The following KCNJ8 variants were observed in gnomAD, a reference collection of about 807,000 sequenced individuals.
The protein encoded by KCNJ8 is ATP-sensitive inward rectifier potassium channel 8.
In KCNJ8, 13 loss-of-function variants were observed where a neutral mutation model predicts 28.2. That is an observed-to-expected ratio of 0.46 (90% confidence interval 0.30 to 0.73). KCNJ8 has a LOEUF of 0.73. KCNJ8 is among the 30% of genes least tolerant of loss of function. KCNJ8 has a pLI of 0.07. For missense variants in KCNJ8, 284 were observed against 542.6 expected, an observed-to-expected ratio of 0.52 and a Z score of 4.73; for synonymous variants, 188 against 195.9, an observed-to-expected ratio of 0.96 and a Z score of 0.34.
In KCNJ8 at chr12:21,765,715, T is replaced by A; in HGVS notation, c.*8A>T. On this transcript the variant is annotated 3_prime_UTR_variant, in exon 3 of 3. Transcript: ENST00000240662. ...TTGATAAAAGACTGTCTTGGGGTTA[T>A]CTTGCTGTCATGATTCCGATGTGTT... is the stretch of plus-strand genomic sequence containing the variant. 6.2e-7 allele frequency: 1 copy of A among 1,613,468 alleles called. No homozygotes were observed. The highest frequency in any genetic ancestry group is 8.5e-7 in the Non-Finnish European group (1 of 1,179,378).
intron 2 of KCNJ8, among the ~76,000 whole-genome samples, chr12:21,769,829 G>T (rs1183265806): frequency 6.6e-6 from 1 of 152,176 alleles, no homozygotes; most frequent in African/African-American, 2.4e-5. Context: ...CTGAATTGCT[G>T]CAATCTCATG....
chr12:21,769,205 A>G (rs1015814304), intron 2 of KCNJ8, among the ~76,000 whole-genome samples: 5 of 152,196 alleles, frequency 3.3e-5, no homozygotes, highest in Admixed American at 1.3e-4. Flanking sequence ...TCATTGATCA[A>G]TCTGAAAATC....
At position 21,773,115 on chromosome 12, in the gene KCNJ8, T is replaced by C. The variant is rs1202741968; in HGVS notation, c.374+128A>G. The C allele has an allele frequency of 9.0e-7, 1 of 1,113,816 alleles. No homozygotes were observed. The highest frequency in any genetic ancestry group is 1.3e-6 in the Non-Finnish European group (1 of 747,694). 69.0% of individuals were successfully genotyped at this position (1,113,816 alleles called of 1,614,324 possible). A position where few individuals can be genotyped will look rare whatever the true frequency, so the allele number is the denominator to read the frequency against. On this transcript the variant is annotated intron_variant, in intron 2 of 2. Coordinates refer to ENST00000240662, the MANE Select transcript of KCNJ8 (RefSeq NM_004982.4). This position sits in a 1 kb window ranked among gnomAD's most constrained non-coding sequence, Gnocchi z 4.6. ...TGTTGTTCTTTATTGTGCTTTTTTGTTTCTGAAGATTCTAAAACAAACCCT... is the reference window on the plus strand; with the variant it reads ...TGTTGTTCTTTATTGTGCTTTTTTGCTTCTGAAGATTCTAAAACAAACCCT...
rs35941868 is a variant in KCNJ8 at position 21,766,062 on chromosome 12, G to A, written c.936C>T (p.Ser312=). ...TTGITTQART[S]YIAEEIQWGH... ...CCCATTGGATCTCCTCAGCAATGTA[G>A]GAGGTTCGTGCTTGTGTGGTGATGC... is the stretch of plus-strand genomic sequence containing the variant. The change falls in exon 3 of 3, where the codon TCC becomes TCT. Residue 312 remains serine, a synonymous_variant. Transcript: ENST00000240662. This position sits in a 1 kb window ranked among gnomAD's most constrained non-coding sequence, Gnocchi z 6.5. 10 of 1,614,182 alleles carry A rather than the reference G, an allele frequency of 6.2e-6. No individual in the cohort carries two copies. Among genetic ancestry groups the A allele is most frequent in the Non-Finnish European group, 8.5e-6 (10 of 1,180,032 alleles).
In KCNJ8 at chr12:21,773,828, A is replaced by G. The variant is rs1940820817; in HGVS notation, c.-70-142T>C. ...GTGATTTTTACTAACCCAAACATGA[A>G]TCTAGCTTGTGCTTGAGTTCTGGGA... is the stretch of plus-strand genomic sequence containing the variant. On this transcript the variant is annotated intron_variant, in intron 1 of 2. Coordinates refer to ENST00000240662, the MANE Select transcript of KCNJ8 (RefSeq NM_004982.4). The surrounding 1 kb of genome is among the most constrained non-coding windows in gnomAD (Gnocchi z 4.6). 2 of 623,170 alleles carry G rather than the reference A, an allele frequency of 3.2e-6. No individual in the cohort carries two copies. The highest frequency in any genetic ancestry group is 2.0e-5 in the South Asian group (1 of 51,054). 38.6% of individuals were successfully genotyped at this position (623,170 alleles called of 1,614,324 possible). A position where few individuals can be genotyped will look rare whatever the true frequency, so the allele number is the denominator to read the frequency against.
chr12:21,771,787 T>C (rs1347510310), intron 2 of KCNJ8, among the ~76,000 whole-genome samples: 1 of 152,176 alleles, frequency 6.6e-6, no homozygotes, highest in Non-Finnish European at 1.5e-5. Context: ...CAATTATCAG[T>C]GCCAGTAAGT....
In KCNJ8 at chr12:21,765,310, C is replaced by T. The variant is rs1427309435; in HGVS notation, c.*413G>A. ...TTAACATGATTTTGTTTTTTCCCCT[C>T]CTATTCTATTTGCATTTCCAGAGTG... On this transcript the variant is annotated 3_prime_UTR_variant, in exon 3 of 3. Transcript: ENST00000240662. 1 of 279,622 alleles carries T rather than the reference C, an allele frequency of 3.6e-6. No homozygotes were observed. The highest frequency in any genetic ancestry group is 2.2e-5 in the African/African-American group (1 of 44,788). 17.3% of individuals were successfully genotyped at this position (279,622 alleles called of 1,614,324 possible).
At chr12:21,769,672 T>C (rs1940712377) in intron 2 of KCNJ8, among the ~76,000 whole-genome samples, 2 of 152,174 alleles carry the variant, frequency 1.3e-5, no homozygotes. Flanking sequence ...GAGGTCAGAA[T>C]ATTAACATTA....
chr12:21,771,708 C>CT (rs1434475140), intron 2 of KCNJ8, among the ~76,000 whole-genome samples: 2 of 152,046 alleles, frequency 1.3e-5, no homozygotes, highest in Non-Finnish European at 2.9e-5. Context: ...GTTACCATTT[C>CT]TTTTTTCTCT....
chr12:21,773,474 T>C lies in KCNJ8; in HGVS notation c.143A>G (p.Lys48Arg). Reference protein sequence around the residue: ...AKSGACNLAHKNIREQGRFLQ... With the variant: ...AKSGACNLAHRNIREQGRFLQ... ...AAAGCGTCCTTGCTCACGGATGTTC[T>C]TATGCGCCAGGTTGCAGGCCCCGCT... Residue 48 changes from lysine to arginine, a missense_variant, in exon 2 of 3, where the codon AAG becomes AGG. Coordinates refer to ENST00000240662, the MANE Select transcript of KCNJ8 (RefSeq NM_004982.4). This position sits in a 1 kb window ranked among gnomAD's most constrained non-coding sequence, Gnocchi z 4.6. The C allele has an allele frequency of 6.2e-7, 1 of 1,614,268 alleles. No individual in the cohort carries two copies. Among genetic ancestry groups the C allele is most frequent in the Admixed American group, 1.7e-5 (1 of 60,036 alleles).
chr12:21,771,601 A>G lies in KCNJ8; in HGVS notation c.374+1642T>C, dbSNP rs559261745. The stretch of plus-strand genomic sequence containing the variant: ...TCCAATTTTAGTGATATGGTTGGAC[A>G]TTGAATTCACAAAGGGAAAAATGCA... On this transcript the variant is annotated intron_variant, in intron 2 of 2. Coordinates refer to ENST00000240662, the MANE Select transcript of KCNJ8 (RefSeq NM_004982.4). Among the ~76,000 whole-genome samples the G allele has an allele frequency of 2.6e-5, 4 of 152,360 alleles. No individual in the cohort carries two copies. The South Asian group carries it at 8.3e-4, about 32-fold the overall frequency.
rs1311619925 is a variant in KCNJ8 at position 21,765,668 on chromosome 12, G to A, written c.*55C>T. On this transcript the variant is annotated 3_prime_UTR_variant, in exon 3 of 3. Coordinates refer to ENST00000240662, the MANE Select transcript of KCNJ8 (RefSeq NM_004982.4). ...TCCAGCTCTGGTTCAGTCTGGCAGT[G>A]CCCAGCATAAACCGTCAAAACTTGA... 4.1e-6 allele frequency: 6 copies of A among 1,462,314 alleles called. No homozygotes were observed. Among genetic ancestry groups the A allele is most frequent in the African/African-American group, 2.8e-5 (2 of 71,798 alleles). The allele number at this position is 1,462,314 out of a possible 1,614,324, so 90.6% of individuals were successfully genotyped here. A position where few individuals can be genotyped will look rare whatever the true frequency, so the allele number is the denominator to read the frequency against.
rs1325668659 is a variant in KCNJ8 at position 21,765,789 on chromosome 12, A to G, written c.1209T>C (p.Ser403=). 6.2e-7 allele frequency: 1 copy of G among 1,614,020 alleles called. No homozygotes were observed. The highest frequency in any genetic ancestry group is 1.3e-5 in the African/African-American group (1 of 74,936). Reference sequence around the variant, plus strand: ...ATTGCACCTTTGGTACCATGAGGGAAGAATTGTTCCTTCGGATAGAATTGT... The same window carrying G: ...ATTGCACCTTTGGTACCATGAGGGAGGAATTGTTCCTTCGGATAGAATTGT... ...RRNNSIRRNN[S]SLMVPKVQFM... Residue 403 remains serine (S), a synonymous_variant, in exon 3 of 3, where the codon TCT becomes TCC. Transcript: ENST00000240662.
Position 21,773,317 on chromosome 12 carries a change from G to A in KCNJ8, c.300C>T (p.Asp100=). 1.9e-6 allele frequency: 3 copies of A among 1,614,148 alleles called. No individual in the cohort carries two copies. The highest frequency in any genetic ancestry group is 2.5e-6 in the Non-Finnish European group (3 of 1,180,022). Reference sequence around the variant, plus strand: ...CACTTTTCTCCATGTAAGCATAGATGTCCCCATGGGCAAAGGCCACCAGCC... The same window carrying A: ...CACTTTTCTCCATGTAAGCATAGATATCCCCATGGGCAAAGGCCACCAGCC... ...MWWLVAFAHG[D]IYAYMEKSGM... Residue 100 remains aspartate (D), a synonymous_variant, in exon 2 of 3, where the codon GAC becomes GAT. Coordinates refer to ENST00000240662, the MANE Select transcript of KCNJ8 (RefSeq NM_004982.4). This position sits in a 1 kb window ranked among gnomAD's most constrained non-coding sequence, Gnocchi z 4.6.
chr12:21,771,291 A>G (rs774327692), intron 2 of KCNJ8, among the ~76,000 whole-genome samples: 1 of 152,240 alleles, frequency 6.6e-6, no homozygotes, highest in Non-Finnish European at 1.5e-5. Flanking sequence ...AATTCTAAAT[A>G]TTACATATGG....
At chr12:21,774,319 T>C (rs1054830979) in intron 1 of KCNJ8, among the ~76,000 whole-genome samples, 1 of 148,424 alleles carries the variant, frequency 6.7e-6, no homozygotes, top group Non-Finnish European at 1.5e-5. Context: ...CATAATATTA[T>C]AAATTGAAAA....
Position 21,773,633 on chromosome 12 carries a change from C to A in KCNJ8, c.-17G>T. 1 of 1,610,524 alleles carries A rather than the reference C, an allele frequency of 6.2e-7. No individual in the cohort carries two copies. ...GGCCAACATCGTCCTGTCACCATAG[C>A]CAGCTTAGCCACCTCCCTCTCACCT... On this transcript the variant is annotated 5_prime_UTR_variant, in exon 2 of 3. Transcript: ENST00000240662. This position sits in a 1 kb window ranked among gnomAD's most constrained non-coding sequence, Gnocchi z 4.6.
At position 21,765,544 on chromosome 12, in the gene KCNJ8, T is replaced by C; in HGVS notation, c.*179A>G. 1.5e-6 allele frequency: 1 copy of C among 652,584 alleles called. No homozygotes were observed. The highest frequency in any genetic ancestry group is 2.7e-6 in the Non-Finnish European group (1 of 364,950). The allele number at this position is 652,584 out of a possible 1,614,324, so 40.4% of individuals were successfully genotyped here. On this transcript the variant is annotated 3_prime_UTR_variant, in exon 3 of 3. Coordinates refer to ENST00000240662, the MANE Select transcript of KCNJ8 (RefSeq NM_004982.4). ...TGAAACAAGCATAAGCCATGAATCC[T>C]CCACTTGGTGTGTTACTTTTTATTA...
intron 2 of KCNJ8, among the ~76,000 whole-genome samples, chr12:21,771,570 G>A (rs1940756693): frequency 6.6e-6 from 1 of 152,188 alleles, no homozygotes; most frequent in African/African-American, 2.4e-5. Context: ...AATGAAAAAT[G>A]TTGTTTCCAA....
Sources: gnomAD v4.1 joint callset for allele counts (sites outside exome capture counted in the v4.1 genomes callset) on GRCh38, gnomAD v4.1.1 for gene constraint, Gnocchi (gnomAD v3.1) non-coding constraint, MANE v1.5 for transcripts, NCBI Gene and HGNC (gene_info 2026-07-23, HGNC 2026-07-21) for gene names.